Variants in RAI14 observed in about 807,000 individuals in gnomAD.
RAI14 encodes the protein retinoic acid induced 14, also known as ankycorbin.
Under a neutral mutation model 115.4 loss-of-function variants are expected in RAI14, and 45 were observed. That is an observed-to-expected ratio of 0.39 (90% CI 0.31 to 0.50). The LOEUF (loss-of-function observed/expected upper bound fraction) is 0.50. Ranked by LOEUF, RAI14 falls within the 20% of genes least tolerant of loss-of-function variation. The pLI is 0.85. For missense variants in RAI14, 939 were observed against 1,131.2 expected (o/e 0.83, Z 2.44); for synonymous variants, 371 against 415.4 (o/e 0.89, Z 1.30).
chr5:34,770,332 G>A (rs1749992320), intron 3 of RAI14, among the ~76,000 whole-genome samples: 1 of 152,158 alleles, frequency 6.6e-6, no homozygotes. Context: ...CAGTATATAG[G>A]TGTGCCTTGA....
At chr5:34,665,940 C>T (rs181930083) in intron 1 of RAI14, among the ~76,000 whole-genome samples, 1 of 152,330 alleles carries the variant, frequency 6.6e-6, no homozygotes, top group Non-Finnish European at 1.5e-5. Context: ...AACCAGTCAA[C>T]ATACTATTGA....
rs1486053503 is a variant in RAI14, at chr5:34,778,475, G to T, written c.168-17464G>T. Among the ~76,000 whole-genome samples, 9 of 152,288 alleles carry T rather than the reference G, an allele frequency of 5.9e-5. 1 individual carries two copies. The highest frequency in any genetic ancestry group is 5.2e-4 in the Admixed American group (8 of 15,296). On this transcript the variant is annotated intron_variant, in intron 3 of 17. Coordinates refer to ENST00000265109, the MANE Select transcript of RAI14 (RefSeq NM_015577.3). ...TTTGGGAGGCTGAGATGGGAGGATT[G>T]CTAGAGTCCAGGAGTTGGAGAATCT... is the stretch of plus-strand genomic sequence containing the variant.
chr5:34,830,860 A>G lies in RAI14; in HGVS notation c.*95A>G. 1 of 1,573,288 alleles carries G rather than the reference A, an allele frequency of 6.4e-7. No individual in the cohort carries two copies. The highest frequency in any genetic ancestry group is 8.6e-7 in the Non-Finnish European group (1 of 1,159,134). On this transcript the variant is annotated 3_prime_UTR_variant, in exon 18 of 18. Coordinates refer to ENST00000265109, the MANE Select transcript of RAI14 (RefSeq NM_015577.3). ...CGCTGCCATTGTTCTCATTCGTGGT[A>G]TGCACTGTGGCCTAGCGTAGCTTCT...
At chr5:34,829,436 C>T (rs1260840982) in intron 16 of RAI14, among the ~76,000 whole-genome samples, 1 of 152,154 alleles carries the variant, frequency 6.6e-6, no homozygotes. Flanking sequence ...GATCCACCCA[C>T]CTCAGCCGCC....
In RAI14 at chr5:34,791,981, T is replaced by C. The variant is rs898861196; in HGVS notation, c.168-3958T>C. Among the ~76,000 whole-genome samples, 1 of 152,136 alleles carries C rather than the reference T, an allele frequency of 6.6e-6. No homozygotes were observed. Among genetic ancestry groups the C allele is most frequent in the Non-Finnish European group, 1.5e-5 (1 of 68,030 alleles). On this transcript the variant is annotated intron_variant, in intron 3 of 17. Transcript: ENST00000265109. The surrounding 1 kb of genome is among the most constrained non-coding windows in gnomAD (Gnocchi z 5.4). ...AGGGCAGCCCATTGGATGCAGTTCA[T>C]TAGGGGACTGCCTCTGGGTAGAGGG... is the stretch of plus-strand genomic sequence containing the variant.
At chr5:34,726,320 C>G (rs1580046263) in intron 2 of RAI14, among the ~76,000 whole-genome samples, 1 of 152,202 alleles carries the variant, frequency 6.6e-6, no homozygotes, top group East Asian at 1.9e-4. Context: ...GGAGGCATGC[C>G]TGGGGAGGCC....
At chr5:34,705,774 A>T (rs1457025560) in intron 2 of RAI14, among the ~76,000 whole-genome samples, 1 of 152,112 alleles carries the variant, frequency 6.6e-6, no homozygotes, top group Non-Finnish European at 1.5e-5. Context: ...CAGCCTCCTG[A>T]GTAGCTGGGA....
rs753134774 is a variant in RAI14, at chr5:34,824,449, C to T, written c.2607C>T (p.Tyr869=). 18 of 1,594,646 alleles carry T rather than the reference C, an allele frequency of 1.1e-5. 1 individual carries two copies. In the South Asian group the frequency reaches 1.3e-4, roughly 11 times the overall value. ...AAGAACTTGCAGAAATGAAAAGATA[C>T]GCTGAGAGCTCTTCAAAACTGGAGG... ...AQEELAEMKR[Y]AESSSKLEED... is the part of the protein sequence containing the mutation. The change falls in exon 15 of 18, where the codon TAC becomes TAT. Residue 869 remains tyrosine (Y), a synonymous_variant. Coordinates refer to ENST00000265109, the MANE Select transcript of RAI14 (RefSeq NM_015577.3).
At chr5:34,688,747 A>G (rs1188662261) in intron 2 of RAI14, among the ~76,000 whole-genome samples, 1 of 151,790 alleles carries the variant, frequency 6.6e-6, no homozygotes, top group African/African-American at 2.4e-5. Flanking sequence ...AGAACCGTAC[A>G]GCTAAATGGA....
chr5:34,722,018 G>A (rs1041730494), intron 2 of RAI14, among the ~76,000 whole-genome samples: 1 of 151,986 alleles, frequency 6.6e-6, no homozygotes, highest in African/African-American at 2.4e-5. Flanking sequence ...GGCCTTGGCT[G>A]GACACTTTTA....
intron 1 of RAI14, among the ~76,000 whole-genome samples, chr5:34,662,721 ATTTTTTTTT>A (rs746930489): frequency 6.5e-5 from 6 of 91,920 alleles, no homozygotes; most frequent in African/African-American, 1.6e-4. Flanking sequence ...ATTTAAACAG[ATTTTTTTTT>A]TTTTTTTTTT....
chr5:34,813,915 T>C (rs1449034421), intron 11 of RAI14, among the ~76,000 whole-genome samples: 3 of 152,208 alleles, frequency 2.0e-5, no homozygotes, highest in African/African-American at 7.2e-5. Context: ...CAAGGAAATT[T>C]CTCAAAATCT....
chr5:34,795,934 T>C lies in RAI14; in HGVS notation c.168-5T>C, dbSNP rs1387239406. ...CAAGGAGATTGTGTTTACTTCTCTT[T>C]CCAGTTTCCATCTTGCTGCTGCAAA... On this transcript the variant is annotated splice_region_variant and splice_polypyrimidine_tract_variant and intron_variant, in intron 3 of 17. Coordinates refer to ENST00000265109, the MANE Select transcript of RAI14 (RefSeq NM_015577.3). 1.2e-6 allele frequency: 2 copies of C among 1,610,362 alleles called. No homozygotes were observed. The highest frequency in any genetic ancestry group is 2.7e-5 in the African/African-American group (2 of 74,860).
intron 1 of RAI14, among the ~76,000 whole-genome samples, chr5:34,686,051 C>A (rs917971834): frequency 6.6e-6 from 1 of 151,954 alleles, no homozygotes; most frequent in Non-Finnish European, 1.5e-5. Context: ...GGAGGGGAGA[C>A]GGGAACAAAC....
intron 17 of RAI14, 170 bp downstream of exon 17, chr5:34,829,967 C>G: frequency 1.8e-6 from 1 of 563,654 alleles, no homozygotes; most frequent in Non-Finnish European, 3.1e-6. Context: ...GTGTCAGGAG[C>G]CTTGTGCCCT....
At position 34,760,668 on chromosome 5, in the gene RAI14, T is replaced by C. The variant is rs377555693; in HGVS notation, c.167+3070T>C. Among the ~76,000 whole-genome samples, 6 of 152,364 alleles carry C rather than the reference T, an allele frequency of 3.9e-5. No homozygotes were observed. The East Asian group carries it at 1.2e-3, about 29-fold the overall frequency. On this transcript the variant is annotated intron_variant, in intron 3 of 17. Transcript: ENST00000265109. ...CAGCTTAGCTACAATTGTGATCACC[T>C]TAACAAATTTGAACCTTTTGATCAT...
chr5:34,730,210 C>T (rs1321768194), intron 2 of RAI14, among the ~76,000 whole-genome samples: 1 of 152,200 alleles, frequency 6.6e-6, no homozygotes, highest in Non-Finnish European at 1.5e-5. Flanking sequence ...GCATTTTCTA[C>T]AGTGATTGAT....
At chr5:34,794,348 G>A (rs1049591444) in intron 3 of RAI14, among the ~76,000 whole-genome samples, 1 of 152,142 alleles carries the variant, frequency 6.6e-6, no homozygotes, top group Non-Finnish European at 1.5e-5. Flanking sequence ...ACTTGAACCT[G>A]AGAGGCGGAG....
At chr5:34,797,028 T>C (rs1753623088) in intron 4 of RAI14, among the ~76,000 whole-genome samples, 2 of 152,126 alleles carry the variant, frequency 1.3e-5, no homozygotes, top group Admixed American at 6.5e-5. Context: ...TCTTACCTTG[T>C]ATAAAACACT....
Sources: allele counts gnomAD v4.1 joint callset (sites outside exome capture counted in the v4.1 genomes callset), GRCh38; gene constraint gnomAD v4.1.1; non-coding constraint Gnocchi (gnomAD v3.1); transcripts MANE v1.5; gene names NCBI Gene and HGNC (gene_info 2026-07-23, HGNC 2026-07-21).